Variants in TEX264 observed in about 807,000 individuals in gnomAD.
TEX264 encodes testis expressed 264, ER-phagy receptor, also known as testis-expressed protein 264.
Under a neutral mutation model 23.4 loss-of-function variants are expected in TEX264, and 13 were observed. That is an observed-to-expected ratio of 0.56 (90% confidence interval 0.36 to 0.88). The LOEUF (loss-of-function observed/expected upper bound fraction) is 0.88, where lower values mean the gene tolerates loss of function less well. TEX264 is among the 40% of genes least tolerant of loss of function. The pLI is 0.01. For synonymous variants in TEX264, 159 were observed against 170.0 expected (o/e 0.94, Z 0.50); for missense variants, 340 against 406.8 (o/e 0.84, Z 1.41).
rs1559686636 is a variant in TEX264, at chr3:51,703,829, G to A, written c.755G>A (p.Trp252Ter). The A allele has an allele frequency of 1.2e-6, 2 of 1,612,788 alleles. No homozygotes were observed. Among genetic ancestry groups the A allele is most frequent in the Non-Finnish European group, 1.7e-6 (2 of 1,179,110 alleles). Reference protein sequence around the residue: ...TLSPGASSRGWDDGDTRSEHS... With the variant: ...TLSPGASSRG ...TCACCTGGGGCGAGCAGCCGTGGCT[G>A]GGATGACGGTGACACCCGCAGCGAG... The change falls in exon 5 of 5, where the codon TGG (tryptophan) becomes TAG (stop). Residue 252 changes from tryptophan to a stop codon, truncating the protein, a stop_gained. Transcript: ENST00000341333. LOFTEE classifies it high-confidence loss of function. The surrounding 1 kb of genome is among the most constrained non-coding windows in gnomAD (Gnocchi z 4.8).
intron 2 of TEX264, among the ~76,000 whole-genome samples, chr3:51,677,767 G>A (rs1226183693): frequency 6.6e-6 from 1 of 152,216 alleles, no homozygotes; most frequent in Non-Finnish European, 1.5e-5. Context: ...GTTCATAGTA[G>A]CTGCTGCTGG....
chr3:51,702,012 G>C (rs1703323516), intron 4 of TEX264, among the ~76,000 whole-genome samples: 1 of 152,170 alleles, frequency 6.6e-6, no homozygotes, highest in African/African-American at 2.4e-5. Flanking sequence ...TGGCCTGAAG[G>C]AGGCACCCCT....
intron 3 of TEX264, among the ~76,000 whole-genome samples, chr3:51,694,223 C>T (rs922675080): frequency 4.0e-5 from 6 of 151,886 alleles, no homozygotes; most frequent in Non-Finnish European, 7.4e-5. Flanking sequence ...CTCCATCTCC[C>T]GCATTCAAGC....
intron 3 of TEX264, among the ~76,000 whole-genome samples, chr3:51,698,520 C>G (rs1354030422): frequency 5.9e-5 from 9 of 152,178 alleles, no homozygotes; most frequent in African/African-American, 2.2e-4. Context: ...CTGTCCCTGC[C>G]TGCCTCAGGG....
intron 3 of TEX264, among the ~76,000 whole-genome samples, chr3:51,689,764 G>A (rs938914866): frequency 1.3e-5 from 2 of 152,204 alleles, no homozygotes; most frequent in Non-Finnish European, 2.9e-5. Flanking sequence ...GTCTGTTCTC[G>A]ATCCTGAGGA....
intron 1 of TEX264, among the ~76,000 whole-genome samples, chr3:51,673,705 GT>G (rs1365091950): frequency 6.6e-6 from 1 of 152,182 alleles, no homozygotes; most frequent in African/African-American, 2.4e-5. Flanking sequence ...GAAAAGGAGA[GT>G]TTCTTATGAA....
intron 2 of TEX264, chr3:51,682,229 A>T (rs1164987180): frequency 1.3e-5 from 2 of 152,110 alleles, no homozygotes; most frequent in Non-Finnish European, 2.9e-5. Flanking sequence ...CTTCCTGCCT[A>T]TCTGGTCATT....
At chr3:51,698,414 G>A (rs1703152999) in intron 3 of TEX264, among the ~76,000 whole-genome samples, 1 of 152,160 alleles carries the variant, frequency 6.6e-6, no homozygotes, top group Non-Finnish European at 1.5e-5. Context: ...TGACAGGGCA[G>A]GGGCCTTGCA....
At chr3:51,690,785 A>G (rs1425626473) in intron 3 of TEX264, among the ~76,000 whole-genome samples, 2 of 152,148 alleles carry the variant, frequency 1.3e-5, no homozygotes, top group Non-Finnish European at 2.9e-5. Context: ...GGAACCAGCT[A>G]GGAGGCGTCA....
At chr3:51,701,649 T>C (rs1703309202) in intron 4 of TEX264, among the ~76,000 whole-genome samples, 1 of 151,916 alleles carries the variant, frequency 6.6e-6, no homozygotes, top group Non-Finnish European at 1.5e-5. Flanking sequence ...TTGTTTGTTT[T>C]TAAAGACAGT....
Position 51,699,481 on chromosome 3 carries a change from C to A in TEX264, c.556C>A (p.Arg186=), listed in dbSNP as rs148617571. 6.1e-5 allele frequency: 99 copies of A among 1,614,080 alleles called. No individual in the cohort carries two copies. In the African/African-American group the frequency reaches 9.5e-4, roughly 15 times the overall value. The change falls in exon 4 of 5, where the codon CGG becomes AGG. Residue 186 remains arginine, a synonymous_variant. Coordinates refer to ENST00000341333, the MANE Select transcript of TEX264 (RefSeq NM_015926.6). ...DQIHFMCPLA[R]QGDFYVPEMK... ...GATCCATTTCATGTGCCCACTGGCA[C>A]GGCAGGGAGACTTCTATGTGCCTGA...
intron 4 of TEX264, among the ~76,000 whole-genome samples, chr3:51,700,571 G>A (rs1398583642): frequency 6.6e-6 from 1 of 152,044 alleles, no homozygotes; most frequent in African/African-American, 2.4e-5. Context: ...CCTACTGTGG[G>A]CACAGGACAT....
At chr3:51,692,508 C>A (rs987774141) in intron 3 of TEX264, among the ~76,000 whole-genome samples, 2 of 152,174 alleles carry the variant, frequency 1.3e-5, no homozygotes, top group Admixed American at 6.5e-5. Flanking sequence ...TCTCTTCTGT[C>A]CCCTGTCTCC....
chr3:51,704,086 C>T lies in TEX264; in HGVS notation c.*70C>T, dbSNP rs1014741584. The T allele has an allele frequency of 2.3e-6, 3 of 1,284,904 alleles. No homozygotes were observed. The highest frequency in any genetic ancestry group is 1.5e-5 in the African/African-American group (1 of 67,318). The allele number at this position is 1,284,904 out of a possible 1,614,324, so 79.6% of individuals were successfully genotyped here. On this transcript the variant is annotated 3_prime_UTR_variant, in exon 5 of 5. Transcript: ENST00000341333. The stretch of plus-strand genomic sequence containing the variant: ...GCAGACTCTCCAGCAGACTCTCCAG[C>T]CCTCTTCCTCCTTCCTCTGGGGGAG...
At position 51,684,639 on chromosome 3, in the gene TEX264, G is replaced by C; in HGVS notation, c.480+5G>C. 6.2e-7 allele frequency: 1 copy of C among 1,614,082 alleles called. No individual in the cohort carries two copies. Among genetic ancestry groups the C allele is most frequent in the South Asian group, 1.1e-5 (1 of 91,076 alleles). On this transcript the variant is annotated splice_donor_5th_base_variant and intron_variant, in intron 3 of 4. Transcript: ENST00000341333. The stretch of plus-strand genomic sequence containing the variant: ...GCCTTGGACACCTACATCAAGGTGA[G>C]GCACAGGCCTGGGGTGTGTGTGTTG...
chr3:51,673,317 C>T (rs970714682), intron 1 of TEX264, among the ~76,000 whole-genome samples: 3 of 152,144 alleles, frequency 2.0e-5, no homozygotes, highest in Non-Finnish European at 4.4e-5. Context: ...CAGGTCAAGC[C>T]CTCTGTGTAA....
At chr3:51,699,362 G>A (rs780178948) in intron 3 of TEX264, 44 bp from the exon 4 acceptor site, 1 of 1,597,370 alleles carries the variant, frequency 6.3e-7, no homozygotes, top group South Asian at 1.1e-5. Context: ...AGTGAGTCAG[G>A]GGCCCTGTAG....
At chr3:51,699,634 G>A (rs1703209510) in intron 4 of TEX264, 60 bp downstream of exon 4, 2 of 1,585,110 alleles carry the variant, frequency 1.3e-6, no homozygotes, top group East Asian at 4.5e-5. Flanking sequence ...CTGGACTCCA[G>A]GGGCTTGGTT....
At chr3:51,702,238 C>T (rs943350069) in intron 4 of TEX264, among the ~76,000 whole-genome samples, 5 of 152,142 alleles carry the variant, frequency 3.3e-5, no homozygotes, top group African/African-American at 1.2e-4. Flanking sequence ...ATTTAAGGAG[C>T]AGTGAGGGCC....
Sources: gnomAD v4.1 joint callset for allele counts (sites outside exome capture counted in the v4.1 genomes callset) on GRCh38, gnomAD v4.1.1 for gene constraint, Gnocchi (gnomAD v3.1) non-coding constraint, MANE v1.5 for transcripts, NCBI Gene and HGNC (gene_info 2026-07-23, HGNC 2026-07-21) for gene names.